The following UBTD2 variants were observed in gnomAD, a reference collection of about 807,000 sequenced individuals.
UBTD2 encodes ubiquitin domain containing 2, also known as ubiquitin domain-containing protein 2.
In UBTD2, 9 loss-of-function variants were observed where a neutral mutation model predicts 19.8. That is an observed-to-expected ratio of 0.46 (90% confidence interval 0.27 to 0.79). The LOEUF is 0.79. UBTD2 is among the 30% of genes least tolerant of loss of function. The pLI is 0.14. For synonymous variants in UBTD2, 98 were observed against 103.9 expected (o/e 0.94, Z 0.35); for missense variants, 250 against 300.4 (o/e 0.83, Z 1.24).
chr5:172,282,421 G>A (rs1755736447), intron 1 of UBTD2, among the ~76,000 whole-genome samples: 1 of 152,134 alleles, frequency 6.6e-6, no homozygotes, highest in Admixed American at 6.5e-5. Context: ...TTAATAAAGT[G>A]GCATGGCTAA....
At chr5:172,274,486 A>G (rs543921912) in intron 1 of UBTD2, among the ~76,000 whole-genome samples, 1 of 152,232 alleles carries the variant, frequency 6.6e-6, no homozygotes, top group Non-Finnish European at 1.5e-5. Flanking sequence ...AAGCATAAGA[A>G]AATTCAATAA....
chr5:172,228,909 T>C (rs1771832102), intron 2 of UBTD2, among the ~76,000 whole-genome samples: 1 of 152,108 alleles, frequency 6.6e-6, no homozygotes, highest in South Asian at 2.1e-4. Context: ...ACATTTAATA[T>C]ATTTTGAGAT....
At chr5:172,223,952 C>T (rs1353767601) in intron 2 of UBTD2, among the ~76,000 whole-genome samples, 3 of 152,072 alleles carry the variant, frequency 2.0e-5, no homozygotes, top group East Asian at 3.9e-4. Context: ...CCCAGTGGAG[C>T]CCAACAACAT....
At chr5:172,259,371 G>A (rs1415053739) in intron 1 of UBTD2, among the ~76,000 whole-genome samples, 2 of 151,970 alleles carry the variant, frequency 1.3e-5, no homozygotes, top group African/African-American at 4.8e-5. Context: ...TTGAACTCCT[G>A]ACCTCATGAT....
intron 1 of UBTD2, among the ~76,000 whole-genome samples, chr5:172,238,389 G>A (rs1188060465): frequency 1.3e-5 from 2 of 152,088 alleles, no homozygotes; most frequent in African/African-American, 4.8e-5. Flanking sequence ...ATTAACATAT[G>A]AGAAATAAAA....
At chr5:172,218,521 G>A (rs1336421258) in intron 2 of UBTD2, among the ~76,000 whole-genome samples, 1 of 152,054 alleles carries the variant, frequency 6.6e-6, no homozygotes, top group Non-Finnish European at 1.5e-5. Context: ...TGTGGCCCAT[G>A]CCTGTAATCC....
chr5:172,226,779 C>T (rs1771774784), intron 2 of UBTD2, among the ~76,000 whole-genome samples: 1 of 152,126 alleles, frequency 6.6e-6, no homozygotes, highest in Non-Finnish European at 1.5e-5. Context: ...TTATATATAT[C>T]AAGTTTATAT....
chr5:172,230,895 T>C (rs1771881247), intron 2 of UBTD2, among the ~76,000 whole-genome samples: 1 of 151,926 alleles, frequency 6.6e-6, no homozygotes, highest in Admixed American at 6.6e-5. Flanking sequence ...GCCATTCTCC[T>C]ACCTCAGCCT....
At chr5:172,281,351 AG>A (rs148612438) in intron 1 of UBTD2, among the ~76,000 whole-genome samples, 5,065 of 152,324 alleles carry the variant, frequency 0.033, 97 homozygotes, top group African/African-American at 0.054. Context: ...TTTAAAAATT[AG>A]CCGGGTGCGG....
intron 1 of UBTD2, among the ~76,000 whole-genome samples, chr5:172,259,227 C>T (rs1291071885): frequency 1.3e-5 from 2 of 152,126 alleles, no homozygotes; most frequent in Admixed American, 1.3e-4. Flanking sequence ...ACTGCAACCT[C>T]TGCCTCCTGG....
intron 2 of UBTD2, among the ~76,000 whole-genome samples, chr5:172,227,881 A>G (rs780707177): frequency 5.9e-5 from 9 of 151,660 alleles, no homozygotes; most frequent in Non-Finnish European, 1.2e-4. Flanking sequence ...GGGTTTCGCC[A>G]TGTTGGCTAG....
intron 2 of UBTD2, among the ~76,000 whole-genome samples, chr5:172,231,208 T>C (rs560289099): frequency 2.2e-4 from 33 of 152,258 alleles, no homozygotes; most frequent in Non-Finnish European, 4.0e-4. Flanking sequence ...TTAGAGTACA[T>C]GACAAAACAA....
At chr5:172,256,846 C>A (rs144887205) in intron 1 of UBTD2, among the ~76,000 whole-genome samples, 3 of 151,842 alleles carry the variant, frequency 2.0e-5, no homozygotes, top group Non-Finnish European at 2.9e-5. Flanking sequence ...GCTTGAACCC[C>A]GCAGGTGGTT....
chr5:172,261,448 C>A (rs145179236), intron 1 of UBTD2, among the ~76,000 whole-genome samples: 1 of 152,280 alleles, frequency 6.6e-6, no homozygotes, highest in African/African-American at 2.4e-5. Flanking sequence ...AAATTCAAGT[C>A]AAGTTTGAAT....
intron 1 of UBTD2, among the ~76,000 whole-genome samples, chr5:172,282,535 T>C (rs61276432): frequency 0.072 from 10,913 of 152,272 alleles, 564 homozygotes; most frequent in East Asian, 0.28. Flanking sequence ...AATGTTAGTA[T>C]GCTACGAAAA....
At chr5:172,222,792 A>T (rs1467873380) in intron 2 of UBTD2, among the ~76,000 whole-genome samples, 1 of 152,236 alleles carries the variant, frequency 6.6e-6, no homozygotes, top group East Asian at 1.9e-4. Flanking sequence ...AATAGGCAGT[A>T]ATAGTGAAAT....
chr5:172,251,212 G>A lies in UBTD2; in HGVS notation c.71-16854C>T, dbSNP rs577385390. Among the ~76,000 whole-genome samples the A allele has an allele frequency of 5.3e-5, 8 of 150,654 alleles. No homozygotes were observed. In the East Asian group the frequency reaches 5.9e-4, roughly 11 times the overall value. On this transcript the variant is annotated intron_variant, in intron 1 of 2. Transcript: ENST00000393792. ...CAGGTGCCTGTAGTCCCAGCTACTC[G>A]GGAGGCTGAGGCAGGAGAATGGCCT...
Position 172,228,436 on chromosome 5 carries a change from T to C in UBTD2, c.307+5686A>G, listed in dbSNP as rs1471463356. Among the ~76,000 whole-genome samples, 9 of 152,278 alleles carry C rather than the reference T, an allele frequency of 5.9e-5. No homozygotes were observed. The South Asian group carries it at 1.9e-3, about 32-fold the overall frequency. ...AAGAATTAAATGTTAATTCAAAACA[T>C]GAGGGTGGGCACAGTGGCTCATGCT... On this transcript the variant is annotated intron_variant, in intron 2 of 2. Transcript: ENST00000393792.
intron 1 of UBTD2, among the ~76,000 whole-genome samples, chr5:172,280,207 T>C (rs1054199237): frequency 5.1e-5 from 7 of 138,272 alleles, no homozygotes; most frequent in African/African-American, 8.2e-5. Flanking sequence ...TGATTAAAAG[T>C]AGGCATTAAA....
Sources: gnomAD v4.1 joint callset for allele counts (sites outside exome capture counted in the v4.1 genomes callset) on GRCh38, gnomAD v4.1.1 for gene constraint, MANE v1.5 for transcripts, NCBI Gene and HGNC (gene_info 2026-07-23, HGNC 2026-07-21) for gene names.